Variants in CCSER1 observed in about 807,000 individuals in gnomAD.
CCSER1 encodes coiled-coil serine rich protein 1.
CCSER1 carries 41 observed loss-of-function variants against 82.0 expected under a neutral mutation model. That is an observed-to-expected ratio of 0.50 (90% CI 0.39 to 0.65). CCSER1 has a LOEUF of 0.65. Among genes scored for constraint, CCSER1 ranks in the 30% least tolerant of loss-of-function variants. The probability of loss-of-function intolerance (pLI) is 0.00; values close to 1 mark genes in which losing one functional copy is unlikely to be tolerated. For missense variants in CCSER1, 1,119 were observed against 1,064.2 expected, an observed-to-expected ratio of 1.05 and a Z score of -0.72; for synonymous variants, 414 against 383.9, an observed-to-expected ratio of 1.08 and a Z score of -0.92.
intron 10 of CCSER1, among the ~76,000 whole-genome samples, chr4:91,345,044 A>G (rs141888793): frequency 1.6e-3 from 247 of 152,288 alleles, no homozygotes; most frequent in South Asian, 2.1e-3. Context: ...TGTAAGTGCT[A>G]TGTTCCTTGA....
chr4:91,238,828 AT>A (rs5860225), intron 10 of CCSER1, among the ~76,000 whole-genome samples: 210 of 146,264 alleles, frequency 1.4e-3, no homozygotes, highest in South Asian at 7.4e-3. Context: ...TATTTTAAGC[AT>A]TTTTTTTTTT....
intron 1 of CCSER1, among the ~76,000 whole-genome samples, chr4:90,164,290 A>G (rs987627073): frequency 2.7e-5 from 4 of 149,952 alleles, no homozygotes; most frequent in African/African-American, 9.8e-5. Flanking sequence ...TTTGGCTTCT[A>G]CTGTTACTTG....
rs548703913 is a variant in CCSER1 at position 90,305,163 on chromosome 4, G to T, written c.-41-3081G>T. On this transcript the variant is annotated intron_variant, in intron 1 of 10. Transcript: ENST00000509176. The stretch of plus-strand genomic sequence containing the variant: ...AATCTCCTGACCTCGTGATCTGCCT[G>T]CCTTGGCTTCCCAAAGTGCTGGGAT... 2.6e-4 allele frequency among the ~76,000 whole-genome samples: 39 copies of T among 152,276 alleles called. No individual in the cohort carries two copies. The South Asian group carries it at 8.1e-3, about 32-fold the overall frequency.
At chr4:91,248,015 G>A (rs532264711) in intron 10 of CCSER1, among the ~76,000 whole-genome samples, 2 of 152,232 alleles carry the variant, frequency 1.3e-5, no homozygotes, top group Non-Finnish European at 2.9e-5. Flanking sequence ...AACTAAGGGC[G>A]TGTTCTGAGA....
chr4:91,567,018 T>C (rs1037239395), intron 10 of CCSER1, among the ~76,000 whole-genome samples: 1 of 152,138 alleles, frequency 6.6e-6, no homozygotes, highest in African/African-American at 2.4e-5. Flanking sequence ...ACTTTTGCTG[T>C]GGACATTTAG....
At chr4:91,393,802 T>A (rs1408838901) in intron 10 of CCSER1, among the ~76,000 whole-genome samples, 2 of 152,124 alleles carry the variant, frequency 1.3e-5, no homozygotes, top group Non-Finnish European at 2.9e-5. Flanking sequence ...GGAAGTATGC[T>A]TTCGTGTTAG....
intron 10 of CCSER1, among the ~76,000 whole-genome samples, chr4:91,156,648 C>T (rs986648469): frequency 1.8e-4 from 27 of 151,672 alleles, no homozygotes; most frequent in African/African-American, 6.3e-4. Context: ...ACTGAGATGA[C>T]TAACCATAAA....
intron 10 of CCSER1, among the ~76,000 whole-genome samples, chr4:91,403,271 C>T (rs183244464): frequency 8.7e-4 from 133 of 152,272 alleles, no homozygotes; most frequent in African/African-American, 3.1e-3. Flanking sequence ...GCTGAAGTCG[C>T]TTATCAGATT....
intron 3 of CCSER1, among the ~76,000 whole-genome samples, chr4:90,324,429 AG>A (rs1287954362): frequency 6.9e-6 from 1 of 145,684 alleles, no homozygotes; most frequent in African/African-American, 2.6e-5. Context: ...AGTGATGGTG[AG>A]CATTTTTTCA....
At chr4:90,930,339 C>T (rs573089684) in intron 9 of CCSER1, among the ~76,000 whole-genome samples, 44 of 152,098 alleles carry the variant, frequency 2.9e-4, no homozygotes, top group Middle Eastern at 3.4e-3. Flanking sequence ...GGGTGGCTCA[C>T]GCCTGTAATC....
intron 6 of CCSER1, among the ~76,000 whole-genome samples, chr4:90,691,612 ATG>A (rs1427382711): frequency 1.4e-5 from 2 of 140,954 alleles, no homozygotes; most frequent in East Asian, 3.9e-4. Flanking sequence ...TATATATCAC[ATG>A]TATATATGTG....
chr4:91,583,585 A>G (rs937889632), intron 10 of CCSER1, among the ~76,000 whole-genome samples: 2 of 151,494 alleles, frequency 1.3e-5, no homozygotes, highest in African/African-American at 2.4e-5. Context: ...AGTTTAAAGC[A>G]TCTTGATTAT....
At chr4:90,301,944 A>AT (rs551998354) in intron 1 of CCSER1, among the ~76,000 whole-genome samples, 8 of 152,054 alleles carry the variant, frequency 5.3e-5, no homozygotes, top group Non-Finnish European at 8.8e-5. Flanking sequence ...ATTCAGCATT[A>AT]TTTTTTCATG....
intron 6 of CCSER1, among the ~76,000 whole-genome samples, chr4:90,661,064 G>A (rs980575174): frequency 3.9e-5 from 6 of 152,126 alleles, no homozygotes; most frequent in Non-Finnish European, 8.8e-5. Flanking sequence ...AGCAACATTC[G>A]CTTGGTTGTC....
At chr4:90,629,884 A>G (rs1325184404) in intron 6 of CCSER1, among the ~76,000 whole-genome samples, 1 of 152,170 alleles carries the variant, frequency 6.6e-6, no homozygotes, top group African/African-American at 2.4e-5. Flanking sequence ...TGTGTTTTCT[A>G]TTTGTTTTAC....
chr4:91,080,701 T>C (rs1722610363), intron 9 of CCSER1, among the ~76,000 whole-genome samples: 1 of 151,670 alleles, frequency 6.6e-6, no homozygotes, highest in African/African-American at 2.4e-5. Flanking sequence ...AAGAGAAGAA[T>C]CAAATAGATA....
intron 3 of CCSER1, among the ~76,000 whole-genome samples, chr4:90,334,357 G>A (rs1739966693): frequency 6.6e-6 from 1 of 151,942 alleles, no homozygotes; most frequent in Non-Finnish European, 1.5e-5. Context: ...AAACAGATAG[G>A]CCTTCTGGAA....
At chr4:91,267,112 T>C (rs1741649888) in intron 10 of CCSER1, among the ~76,000 whole-genome samples, 1 of 152,184 alleles carries the variant, frequency 6.6e-6, no homozygotes, top group Admixed American at 6.5e-5. Flanking sequence ...TGAATGTTAA[T>C]TGGAGAAGTG....
At chr4:91,264,405 A>C (rs1209933475) in intron 10 of CCSER1, among the ~76,000 whole-genome samples, 1 of 151,844 alleles carries the variant, frequency 6.6e-6, no homozygotes, top group East Asian at 1.9e-4. Flanking sequence ...TTTTCTCCAT[A>C]AGTGGCTTTG....
Sources: allele counts gnomAD v4.1 joint callset (sites outside exome capture counted in the v4.1 genomes callset), GRCh38; gene constraint gnomAD v4.1.1; transcripts MANE v1.5; gene names NCBI Gene and HGNC (gene_info 2026-07-23, HGNC 2026-07-21).